Variants in ATP1A3 observed in about 807,000 individuals in gnomAD.
The protein encoded by ATP1A3 is sodium/potassium-transporting ATPase subunit alpha-3.
Under a neutral mutation model 108.8 loss-of-function variants are expected in ATP1A3, and 12 were observed. The observed-to-expected ratio is 0.11, with a 90% confidence interval of 0.07 to 0.18. The LOEUF (loss-of-function observed/expected upper bound fraction) is 0.18, where lower values mean the gene tolerates loss of function less well. Among genes scored for constraint, ATP1A3 ranks in the 10% least tolerant of loss-of-function variants. The pLI is 1.00. For missense variants in ATP1A3, 498 were observed against 1,387.7 expected (o/e 0.36, Z 10.19); for synonymous variants, 539 against 564.5 (o/e 0.95, Z 0.64).
intron 14 of ATP1A3, 40 bp from the exon 15 acceptor site, chr19:41,976,606 T>C: frequency 6.2e-7 from 1 of 1,612,244 alleles, no homozygotes; most frequent in Non-Finnish European, 8.5e-7. Context: ...GGTCAGGGTG[T>C]GTGAGGAGTG....
chr19:41,993,922 A>C (rs890863153), intron 1 of ATP1A3, 149 bp downstream of exon 1: 2 of 1,447,666 alleles, frequency 1.4e-6, no homozygotes, highest in Non-Finnish European at 1.9e-6. Context: ...CCACGACCAC[A>C]TGGATTGGCT....
rs782237577 is a variant in ATP1A3 at position 41,981,741 on chromosome 19, T to A, written c.1283A>T (p.Asp428Val). 6.2e-7 allele frequency: 1 copy of A among 1,614,188 alleles called. No individual in the cohort carries two copies. The highest frequency in any genetic ancestry group is 1.1e-5 in the South Asian group (1 of 91,088). ...ACCCACCTTGAGCACAGGGATGTTG[T>A]CCTGACCACCCTTGAAGACAGCGCG... ...CNRAVFKGGQ[D>V]NIPVLKRDVA... Residue 428 changes from aspartate to valine, a missense_variant, in exon 10 of 23, where the codon GAC becomes GTC. Asp to Val is a radical substitution (Grantham distance 152). Coordinates refer to ENST00000648268, the MANE Select transcript of ATP1A3 (RefSeq NM_152296.5). The surrounding 1 kb of genome is among the most constrained non-coding windows in gnomAD (Gnocchi z 5.0).
chr19:41,992,148 A>G (rs1457168076), intron 1 of ATP1A3, among the ~76,000 whole-genome samples: 42 of 147,506 alleles, frequency 2.8e-4, no homozygotes, highest in African/African-American at 1.1e-3. Context: ...GATCTGAGGG[A>G]GGAGGGGCTG....
In ATP1A3 at chr19:41,991,339, G is replaced by T. The variant is rs563050711; in HGVS notation, c.6+2732C>A. On this transcript the variant is annotated intron_variant, in intron 1 of 22. Transcript: ENST00000648268. Reference sequence around the variant, plus strand: ...GGGGCAGCAGCCTGGAGATCTGGGAGCCTCAAGAAGGGGTGCAGGGGGTGG... The same window carrying T: ...GGGGCAGCAGCCTGGAGATCTGGGATCCTCAAGAAGGGGTGCAGGGGGTGG... Among the ~76,000 whole-genome samples, 11 of 151,366 alleles carry T rather than the reference G, an allele frequency of 7.3e-5. No homozygotes were observed. In the South Asian group the frequency reaches 2.3e-3, roughly 32 times the overall value.
At position 41,966,782 on chromosome 19, in the gene ATP1A3, TGG is replaced by T. The variant is rs1555858613; in HGVS notation, c.*153_*154del. 1 of 1,099,014 alleles carries T rather than the reference TGG, an allele frequency of 9.1e-7. No homozygotes were observed. Among genetic ancestry groups the T allele is most frequent in the Admixed American group, 3.2e-5 (1 of 31,498 alleles). 68.1% of individuals were successfully genotyped at this position (1,099,014 alleles called of 1,614,324 possible). A position where few individuals can be genotyped will look rare whatever the true frequency, so the allele number is the denominator to read the frequency against. ...GGCAGGGGAGAGAAGCCAGCCAGAG[TGG>T]GGGCGGCAGGAGATAGTGGAGGGGG... On this transcript the variant is annotated 3_prime_UTR_variant, in exon 23 of 23. Coordinates refer to ENST00000648268, the MANE Select transcript of ATP1A3 (RefSeq NM_152296.5).
chr19:41,972,871 AAGGC>A (rs1321401313), intron 16 of ATP1A3, among the ~76,000 whole-genome samples: 92 of 133,374 alleles, frequency 6.9e-4, no homozygotes, highest in South Asian at 1.9e-3. Context: ...AGAAGGAAGG[AAGGC>A]AGGCAGGCAG....
At position 41,988,239 on chromosome 19, in the gene ATP1A3, C is replaced by A; in HGVS notation, c.153+79G>T. 1 of 1,612,442 alleles carries A rather than the reference C, an allele frequency of 6.2e-7. No homozygotes were observed. The highest frequency in any genetic ancestry group is 1.1e-5 in the South Asian group (1 of 91,050). On this transcript the variant is annotated intron_variant, in intron 3 of 22. Coordinates refer to ENST00000648268, the MANE Select transcript of ATP1A3 (RefSeq NM_152296.5). This position sits in a 1 kb window ranked among gnomAD's most constrained non-coding sequence, Gnocchi z 5.3. ...ACTTAAGACACCAGCCACAGCCCCT[C>A]CTCCCTCAGACCCAGGGGTCCTAGC...
Position 41,966,755 on chromosome 19 carries a change from G to C in ATP1A3, c.*182C>G. On this transcript the variant is annotated 3_prime_UTR_variant, in exon 23 of 23. Coordinates refer to ENST00000648268, the MANE Select transcript of ATP1A3 (RefSeq NM_152296.5). The stretch of plus-strand genomic sequence containing the variant: ...CAGAAAAGAGAGAGGAGAGAGGTTT[G>C]GGGCAGGGGAGAGAAGCCAGCCAGA... 6.5e-7 allele frequency: 1 copy of C among 1,529,684 alleles called. No homozygotes were observed. The highest frequency in any genetic ancestry group is 8.8e-7 in the Non-Finnish European group (1 of 1,132,992). The allele number at this position is 1,529,684 out of a possible 1,614,324, so 94.8% of individuals were successfully genotyped here.
rs372105495 is a variant in ATP1A3 at position 41,982,119 on chromosome 19, C to T, written c.994-13G>A. 2.7e-5 allele frequency: 43 copies of T among 1,614,004 alleles called. No individual in the cohort carries two copies. The highest frequency in any genetic ancestry group is 3.5e-5 in the Non-Finnish European group (41 of 1,180,006). On this transcript the variant is annotated splice_polypyrimidine_tract_variant and intron_variant, in intron 8 of 22. Transcript: ENST00000648268. ...GCGTCAGACACACCTGGAGGACGAG[C>T]AAGGGCAGGCAAGTTACAGGGACAA...
chr19:41,970,939 C>T (rs1389473833), intron 16 of ATP1A3, among the ~76,000 whole-genome samples: 2 of 151,056 alleles, frequency 1.3e-5, no homozygotes, highest in African/African-American at 4.9e-5. Context: ...GCCTGTCCAG[C>T]GTCCTTTTCT....
chr19:41,981,523 G>A lies in ATP1A3; in HGVS notation c.1416C>T (p.Phe472=). ...GTACCTGGTATTTGTTGGTGGAATT[G>A]AAGGGAATCTCAGCCACTTTCTTGT... ...ERNKKVAEIP[F]NSTNKYQLSI... Residue 472 remains phenylalanine, a synonymous_variant, in exon 11 of 23, where the codon TTC becomes TTT. Transcript: ENST00000648268. This position sits in a 1 kb window ranked among gnomAD's most constrained non-coding sequence, Gnocchi z 5.0. The A allele has an allele frequency of 1.2e-6, 2 of 1,614,238 alleles. No individual in the cohort carries two copies. Among genetic ancestry groups the A allele is most frequent in the Non-Finnish European group, 1.7e-6 (2 of 1,180,046 alleles).
intron 1 of ATP1A3, chr19:41,993,592 T>C (rs891605557): frequency 6.0e-6 from 6 of 1,006,786 alleles, no homozygotes; most frequent in Admixed American, 5.2e-5. Context: ...GAAAGAGAGG[T>C]CATCTGGTGT....
intron 15 of ATP1A3, 85 bp from the exon 16 acceptor site, chr19:41,975,882 C>A: frequency 6.4e-7 from 1 of 1,569,828 alleles, no homozygotes; most frequent in Non-Finnish European, 8.8e-7. Context: ...GGACCCCAGC[C>A]CCCTCCTCCT....
intron 18 of ATP1A3, 46 bp downstream of exon 18, chr19:41,970,139 A>G (rs1555859446): frequency 6.2e-7 from 1 of 1,614,086 alleles, no homozygotes; most frequent in Admixed American, 1.7e-5. Context: ...GCACTGCTCT[A>G]GGCCCGGCAC....
rs529503506 is a variant in ATP1A3, at chr19:41,967,606, G to A, written c.2921+56C>T. 1.1e-5 allele frequency: 18 copies of A among 1,575,012 alleles called. No homozygotes were observed. In the South Asian group the frequency reaches 1.9e-4, roughly 17 times the overall value. ...CCTGAGGTTCAGGCTGAGTCTAAGG[G>A]AAGGCTCCATGGCAGGCGCTGGTGT... On this transcript the variant is annotated intron_variant, in intron 21 of 22. Coordinates refer to ENST00000648268, the MANE Select transcript of ATP1A3 (RefSeq NM_152296.5). This position sits in a 1 kb window ranked among gnomAD's most constrained non-coding sequence, Gnocchi z 4.2.
Position 41,994,031 on chromosome 19 carries a change from A to G in ATP1A3, c.6+40T>C, listed in dbSNP as rs782630813. On this transcript the variant is annotated intron_variant, in intron 1 of 22. Coordinates refer to ENST00000648268, the MANE Select transcript of ATP1A3 (RefSeq NM_152296.5). ...CACACCCAATGTCACCGGCCCCACA[A>G]TGTCACACGGAAGCGGCGCCCAGCC... 5 of 1,608,378 alleles carry G rather than the reference A, an allele frequency of 3.1e-6. No homozygotes were observed. In the South Asian group the frequency reaches 4.4e-5, roughly 14 times the overall value.
At chr19:41,976,319 A>G in intron 15 of ATP1A3, 97 bp downstream of exon 15, 1 of 1,501,882 alleles carries the variant, frequency 6.7e-7, no homozygotes, top group South Asian at 1.2e-5. Context: ...CCAGACCCCC[A>G]GCCCCTCCTC....
intron 15 of ATP1A3, among the ~76,000 whole-genome samples, chr19:41,976,125 C>T (rs1180771631): frequency 2.7e-5 from 4 of 149,174 alleles, no homozygotes; most frequent in African/African-American, 9.9e-5. Flanking sequence ...CCCTCAGACC[C>T]AAGGGTCCAG....
chr19:41,991,978 C>G (rs2075343914), intron 1 of ATP1A3, among the ~76,000 whole-genome samples: 1 of 112,228 alleles, frequency 8.9e-6, no homozygotes, highest in Non-Finnish European at 1.8e-5. Context: ...GGAAGAGGGG[C>G]TGGGGCCTGG....
Sources: allele counts gnomAD v4.1 joint callset (sites outside exome capture counted in the v4.1 genomes callset), GRCh38; gene constraint gnomAD v4.1.1; non-coding constraint Gnocchi (gnomAD v3.1); transcripts MANE v1.5; gene names NCBI Gene and HGNC (gene_info 2026-07-23, HGNC 2026-07-21).